MITF: variants seen among roughly 807,000 people sequenced by gnomAD.
MITF encodes the protein microphthalmia-associated transcription factor.
MITF carries 17 observed loss-of-function variants against 60.5 expected under a neutral mutation model. The ratio of observed to expected loss-of-function variants is 0.28; its 90% CI spans 0.19 to 0.42. MITF has a LOEUF of 0.42. Ranked by LOEUF, MITF falls within the 10% of genes least tolerant of loss-of-function variation. MITF has a pLI of 1.00. For missense variants in MITF, 622 were observed against 683.5 expected, an observed-to-expected ratio of 0.91 and a Z score of 1.00; for synonymous variants, 260 against 248.5, an observed-to-expected ratio of 1.05 and a Z score of -0.43.
chr3:69,902,314 C>A (rs2065010923), intron 2 of MITF, among the ~76,000 whole-genome samples: 1 of 152,006 alleles, frequency 6.6e-6, no homozygotes, highest in African/African-American at 2.4e-5. Context: ...TGACAGCTAA[C>A]CCCATACTAA....
At chr3:69,770,993 A>T (rs551140779) in intron 1 of MITF, among the ~76,000 whole-genome samples, 1 of 152,314 alleles carries the variant, frequency 6.6e-6, no homozygotes, top group East Asian at 1.9e-4. Context: ...CTTAGACATG[A>T]CAAAAATATA....
At chr3:69,923,897 G>A (rs1048821027) in intron 2 of MITF, among the ~76,000 whole-genome samples, 1 of 151,956 alleles carries the variant, frequency 6.6e-6, no homozygotes, top group Admixed American at 6.5e-5. Flanking sequence ...AGTATGATAA[G>A]TCATAGGTTT....
At chr3:69,947,686 C>T (rs1286276405) in intron 5 of MITF, among the ~76,000 whole-genome samples, 3 of 152,112 alleles carry the variant, frequency 2.0e-5, no homozygotes, top group African/African-American at 7.2e-5. Flanking sequence ...GAGTTGTATT[C>T]TGCTGGTCTG....
At chr3:69,763,139 T>C (rs1332429413) in intron 1 of MITF, among the ~76,000 whole-genome samples, 1 of 152,160 alleles carries the variant, frequency 6.6e-6, no homozygotes, top group Non-Finnish European at 1.5e-5. Context: ...TCAAAATATA[T>C]CACTTATGGG....
Position 69,965,055 on chromosome 3 carries a change from C to A in MITF, c.1388C>A (p.Thr463Asn), listed in dbSNP as rs560808156. The A allele has an allele frequency of 1.3e-4, 208 of 1,614,152 alleles. 3 individuals carry two copies. In the South Asian group the frequency reaches 2.0e-3, roughly 16 times the overall value. Residue 463 changes from threonine to asparagine, a missense_variant, in exon 10 of 10, where the codon ACT (threonine) becomes AAT (asparagine). Physicochemically the swap from Thr to Asn is moderately conservative, Grantham distance 65. Coordinates refer to ENST00000352241, the MANE Select transcript of MITF (RefSeq NM_001354604.2). The stretch of plus-strand genomic sequence containing the variant: ...ATCACCTTCAACAACAACCTCGGAA[C>A]TGGGACTGAGGCCAACCAAGCCTAT... The part of the protein sequence containing the change: ...GTITFNNNLG[T>N]GTEANQAYSV...
intron 2 of MITF, among the ~76,000 whole-genome samples, chr3:69,891,974 C>T (rs894838054): frequency 6.6e-6 from 1 of 152,182 alleles, no homozygotes; most frequent in Non-Finnish European, 1.5e-5. Context: ...ATAAGAAACT[C>T]TAAAATGACT....
intron 2 of MITF, among the ~76,000 whole-genome samples, chr3:69,915,520 C>A (rs1408107260): frequency 6.6e-6 from 1 of 151,036 alleles, no homozygotes; most frequent in Non-Finnish European, 1.5e-5. Context: ...TAAATATGTA[C>A]CTATTTAAAA....
intron 1 of MITF, among the ~76,000 whole-genome samples, chr3:69,826,882 GC>G (rs2063363555): frequency 6.6e-6 from 1 of 152,052 alleles, no homozygotes; most frequent in Admixed American, 6.6e-5. Context: ...TTTTCTCAGG[GC>G]CTGCACATGC....
At chr3:69,827,715 T>G (rs2063378373) in intron 1 of MITF, among the ~76,000 whole-genome samples, 1 of 152,102 alleles carries the variant, frequency 6.6e-6, no homozygotes, top group Admixed American at 6.5e-5. Context: ...TGGAATATAA[T>G]TCCCAATTTA....
intron 1 of MITF, among the ~76,000 whole-genome samples, chr3:69,848,113 G>C (rs771889807): frequency 6.6e-6 from 1 of 152,208 alleles, no homozygotes; most frequent in African/African-American, 2.4e-5. Flanking sequence ...TTTAAAGCTG[G>C]AAGAAAGCTT....
At chr3:69,952,022 T>C (rs2107519885) in intron 7 of MITF, 136 bp downstream of exon 7, 1 of 714,224 alleles carries the variant, frequency 1.4e-6, no homozygotes, top group South Asian at 1.6e-5. Flanking sequence ...AAAATTGTAT[T>C]TGACAGAAAC....
intron 2 of MITF, among the ~76,000 whole-genome samples, chr3:69,916,397 G>A (rs2065335506): frequency 6.6e-6 from 1 of 152,108 alleles, no homozygotes; most frequent in Admixed American, 6.6e-5. Context: ...AACCCAGAAG[G>A]AAATCTTATC....
chr3:69,938,460 T>A (rs2065896561), intron 3 of MITF: 13 of 1,482,246 alleles, frequency 8.8e-6, no homozygotes, highest in Non-Finnish European at 1.2e-5. Flanking sequence ...TTGTTGTGAA[T>A]GTCTGGAATA....
chr3:69,756,668 T>C (rs552527084), intron 1 of MITF, among the ~76,000 whole-genome samples: 1 of 152,194 alleles, frequency 6.6e-6, no homozygotes, highest in Non-Finnish European at 1.5e-5. Context: ...GATTGCTGGG[T>C]CAAATGGTAT....
chr3:69,750,446 T>C (rs1336180145), intron 1 of MITF, among the ~76,000 whole-genome samples: 1 of 150,520 alleles, frequency 6.6e-6, no homozygotes, highest in Admixed American at 6.6e-5. Flanking sequence ...TGATTATCTC[T>C]GGCCTGACAA....
At chr3:69,822,806 TC>T (rs761940546) in intron 1 of MITF, among the ~76,000 whole-genome samples, 3 of 152,208 alleles carry the variant, frequency 2.0e-5, no homozygotes, top group Non-Finnish European at 4.4e-5. Flanking sequence ...TTTATTTTTT[TC>T]CTAAAGTCTT....
intron 1 of MITF, among the ~76,000 whole-genome samples, chr3:69,789,451 C>T (rs1412165597): frequency 6.6e-6 from 1 of 152,210 alleles, no homozygotes; most frequent in East Asian, 1.9e-4. Context: ...TCACCTCATA[C>T]TCATTAGGAT....
intron 1 of MITF, among the ~76,000 whole-genome samples, chr3:69,789,575 A>G (rs2106908628): frequency 6.6e-6 from 1 of 152,268 alleles, no homozygotes; most frequent in African/African-American, 2.4e-5. Context: ...AGGAGCATAG[A>G]GGTTCATAAA....
At chr3:69,911,984 T>G (rs990353438) in intron 2 of MITF, among the ~76,000 whole-genome samples, 1 of 152,200 alleles carries the variant, frequency 6.6e-6, no homozygotes, top group Admixed American at 6.5e-5. Flanking sequence ...TTATCTGTGA[T>G]TGCAACAAAC....
Sources: gnomAD v4.1 joint callset for allele counts (sites outside exome capture counted in the v4.1 genomes callset) on GRCh38, gnomAD v4.1.1 for gene constraint, MANE v1.5 for transcripts, NCBI Gene and HGNC (gene_info 2026-07-23, HGNC 2026-07-21) for gene names.